The following DYNC2H1 variants were observed in gnomAD, a reference collection of about 807,000 sequenced individuals.
The protein encoded by DYNC2H1 is dynein cytoplasmic 2 heavy chain 1, also known as cytoplasmic dynein 2 heavy chain 1.
Under a neutral mutation model 570.0 loss-of-function variants are expected in DYNC2H1, and 410 were observed. The ratio of observed to expected loss-of-function variants is 0.72; its 90% CI spans 0.66 to 0.78. DYNC2H1 has a LOEUF of 0.78. Ranked by LOEUF, DYNC2H1 falls within the 30% of genes least tolerant of loss-of-function variation. The pLI, the probability that DYNC2H1 is intolerant of heterozygous loss-of-function variation, is 0.00. For missense variants in DYNC2H1, 4,865 were observed against 5,046.4 expected, an observed-to-expected ratio of 0.96 and a Z score of 1.09; for synonymous variants, 1,688 against 1,677.6, an observed-to-expected ratio of 1.01 and a Z score of -0.15.
rs140718185 is a variant in DYNC2H1, at chr11:103,332,629, C to T, written c.12039+8639C>T. The stretch of plus-strand genomic sequence containing the variant: ...CATTCAAGTCAGAAGATAATGGAAT[C>T]GTGGTAACTTTAAAGTGCCACATGA... On this transcript the variant is annotated intron_variant, in intron 82 of 88. Coordinates refer to ENST00000375735, the MANE Select transcript of DYNC2H1 (RefSeq NM_001377.3). Among the ~76,000 whole-genome samples, 779 of 152,236 alleles carry T rather than the reference C, an allele frequency of 5.1e-3. 2 individuals carry two copies. The highest frequency in any genetic ancestry group is 0.018 in the African/African-American group (745 of 41,534).
At chr11:103,387,376 A>T (rs949341291) in intron 83 of DYNC2H1, among the ~76,000 whole-genome samples, 2 of 152,104 alleles carry the variant, frequency 1.3e-5, no homozygotes, top group African/African-American at 4.8e-5. Context: ...AATTTGTTTG[A>T]GTTCATTGTA....
chr11:103,352,096 G>A (rs1055394635), intron 82 of DYNC2H1, among the ~76,000 whole-genome samples: 1 of 151,876 alleles, frequency 6.6e-6, no homozygotes, highest in Non-Finnish European at 1.5e-5. Context: ...TCCTTTAAAA[G>A]TAGAATTTTA....
At chr11:103,109,871 TCCTTTTCAGGAA>T (rs1858028702) in intron 1 of DYNC2H1, 102 bp downstream of exon 1, 4 of 1,255,054 alleles carry the variant, frequency 3.2e-6, no homozygotes, top group Non-Finnish European at 4.3e-6. Flanking sequence ...ACCAACCAGA[TCCTTTTCAGGAA>T]CCCAAGGCTG....
At chr11:103,292,387 A>G in intron 75 of DYNC2H1, among the ~76,000 whole-genome samples, 1 of 152,208 alleles carries the variant, frequency 6.6e-6, no homozygotes, top group East Asian at 1.9e-4. Context: ...GAAAAAATTT[A>G]CACTTAAACT....
At chr11:103,458,977 A>G (rs191514806) in intron 87 of DYNC2H1, among the ~76,000 whole-genome samples, 1 of 152,080 alleles carries the variant, frequency 6.6e-6, no homozygotes, top group East Asian at 2.0e-4. Flanking sequence ...TGGCCTGGCT[A>G]TAGTTCTTTA....
intron 83 of DYNC2H1, among the ~76,000 whole-genome samples, chr11:103,368,412 G>C (rs1941007021): frequency 6.6e-6 from 1 of 151,484 alleles, no homozygotes; most frequent in African/African-American, 2.4e-5. Context: ...GCTGGCTAAG[G>C]TCTTTTACCA....
intron 55 of DYNC2H1, among the ~76,000 whole-genome samples, chr11:103,216,544 C>T (rs756825544): frequency 1.3e-5 from 2 of 152,134 alleles, no homozygotes; most frequent in East Asian, 1.9e-4. Context: ...GTAATCCTAG[C>T]TCTTTGGGAA....
Position 103,243,556 on chromosome 11 carries a change from G to A in DYNC2H1, c.9820-137G>A. The A allele has an allele frequency of 1.4e-6, 1 of 690,512 alleles. No homozygotes were observed. The highest frequency in any genetic ancestry group is 2.9e-5 in the East Asian group (1 of 34,292). The allele number at this position is 690,512 out of a possible 1,614,324, so 42.8% of individuals were successfully genotyped here. On this transcript the variant is annotated intron_variant, in intron 63 of 88. Transcript: ENST00000375735. The surrounding 1 kb of genome is among the most constrained non-coding windows in gnomAD (Gnocchi z 4.8). Reference sequence around the variant, plus strand: ...ACTGTATTTTTGTTTCTTTTTCATGGTTGTATATTTGTGTTCTCCAAAGCT... The same window carrying A: ...ACTGTATTTTTGTTTCTTTTTCATGATTGTATATTTGTGTTCTCCAAAGCT...
chr11:103,125,676 G>A (rs187369097), intron 12 of DYNC2H1, among the ~76,000 whole-genome samples: 214 of 152,146 alleles, frequency 1.4e-3, no homozygotes, highest in African/African-American at 4.9e-3. Flanking sequence ...CATTTTCTCA[G>A]TCTACCTATG....
chr11:103,436,950 A>G (rs1035297567), intron 85 of DYNC2H1, among the ~76,000 whole-genome samples: 3 of 152,076 alleles, frequency 2.0e-5, no homozygotes, highest in Non-Finnish European at 4.4e-5. Context: ...TTTAACTTGG[A>G]TTAGTATCTG....
At chr11:103,352,048 T>C (rs1662000874) in intron 82 of DYNC2H1, among the ~76,000 whole-genome samples, 1 of 152,126 alleles carries the variant, frequency 6.6e-6, no homozygotes, top group African/African-American at 2.4e-5. Flanking sequence ...TTTAAAATAA[T>C]CTCATGGCAT....
chr11:103,241,728 G>A lies in DYNC2H1; in HGVS notation c.9820-1965G>A, dbSNP rs760084019. Among the ~76,000 whole-genome samples, 2 of 152,098 alleles carry A rather than the reference G, an allele frequency of 1.3e-5. No individual in the cohort carries two copies. Among genetic ancestry groups the A allele is most frequent in the South Asian group, 4.1e-4 (2 of 4,826 alleles). ...ATTGTGCTTCGAGTAGTACATTTAC[G>A]TGATGGAGCAGTAAGTGAAATCTCT... is the stretch of plus-strand genomic sequence containing the variant. On this transcript the variant is annotated intron_variant, in intron 63 of 88. Transcript: ENST00000375735. This position sits in a 1 kb window ranked among gnomAD's most constrained non-coding sequence, Gnocchi z 5.1.
chr11:103,437,883 G>A (rs637166), intron 85 of DYNC2H1, among the ~76,000 whole-genome samples: 39,004 of 151,868 alleles, frequency 0.26, 5,886 homozygotes, highest in East Asian at 0.44. Context: ...AAATATATCA[G>A]TGGTACTATA....
intron 18 of DYNC2H1, 60 bp downstream of exon 18, chr11:103,143,455 G>A: frequency 6.7e-7 from 1 of 1,484,220 alleles, no homozygotes; most frequent in Non-Finnish European, 9.0e-7. Flanking sequence ...GGACAGTAAG[G>A]GAGCTCTCTA....
chr11:103,234,100 C>A lies in DYNC2H1; in HGVS notation c.9507C>A (p.Ile3169=). The A allele has an allele frequency of 6.4e-7, 1 of 1,571,928 alleles. No individual in the cohort carries two copies. Among genetic ancestry groups the A allele is most frequent in the Non-Finnish European group, 8.6e-7 (1 of 1,157,328 alleles). ...AAGTAAGCAAGGCACAAGAAACAAT[C>A]AAAGCTGCAGAAGTCTTAATTAATC... ...EAEVSKAQET[I]KAAEVLINQL... The change falls in exon 61 of 89, where the codon ATC becomes ATA. Residue 3169 remains isoleucine, a synonymous_variant. Transcript: ENST00000375735.
Position 103,170,672 on chromosome 11 carries a change from CT to C in DYNC2H1, c.5152-209del. Among the ~76,000 whole-genome samples, 1 of 152,096 alleles carries C rather than the reference CT, an allele frequency of 6.6e-6. No individual in the cohort carries two copies. Among genetic ancestry groups the C allele is most frequent in the Non-Finnish European group, 1.5e-5 (1 of 68,006 alleles). ...ACAAATCTTGTATTTTTTCTGCAAG[CT>C]TTTTAGAACACTTTCACATGCATTA... On this transcript the variant is annotated intron_variant, in intron 33 of 88. Coordinates refer to ENST00000375735, the MANE Select transcript of DYNC2H1 (RefSeq NM_001377.3). The surrounding 1 kb of genome is among the most constrained non-coding windows in gnomAD (Gnocchi z 4.8).
intron 54 of DYNC2H1, among the ~76,000 whole-genome samples, chr11:103,214,206 G>C (rs183062485): frequency 6.6e-6 from 1 of 152,084 alleles, no homozygotes; most frequent in Non-Finnish European, 1.5e-5. Context: ...ATACTGTGCC[G>C]TTTTGGTTAC....
chr11:103,303,227 G>T lies in DYNC2H1; in HGVS notation c.11230G>T (p.Glu3744Ter), dbSNP rs1340269679. 1 of 1,612,336 alleles carries T rather than the reference G, an allele frequency of 6.2e-7. No homozygotes were observed. The highest frequency in any genetic ancestry group is 8.5e-7 in the Non-Finnish European group (1 of 1,178,800). ...GGAACTTCAAGAACTAGCTAATGCT[G>T]AAAGAAGCGGAGAGTGTTATCACCA... Reference protein sequence around the residue: ...SQELQELANAERSGECYHQVA... With the variant: ...SQELQELANA Residue 3744 changes from glutamate to a stop codon, truncating the protein, a stop_gained, in exon 76 of 89, where the codon GAA becomes TAA. Transcript: ENST00000375735. LOFTEE classifies it high-confidence loss of function.
intron 87 of DYNC2H1, among the ~76,000 whole-genome samples, chr11:103,459,712 G>A (rs2135820004): frequency 6.6e-6 from 1 of 151,972 alleles, no homozygotes. Flanking sequence ...CAGCACTTTG[G>A]GAGGCCGAGG....
Sources: allele counts gnomAD v4.1 joint callset (sites outside exome capture counted in the v4.1 genomes callset), GRCh38; gene constraint gnomAD v4.1.1; non-coding constraint Gnocchi (gnomAD v3.1); transcripts MANE v1.5; gene names NCBI Gene and HGNC (gene_info 2026-07-23, HGNC 2026-07-21).